GPC5: variants seen among roughly 807,000 people sequenced by gnomAD.
The protein encoded by GPC5 is glypican-5.
GPC5 carries 47 observed loss-of-function variants against 53.9 expected under a neutral mutation model. The ratio of observed to expected loss-of-function variants is 0.87; its 90% CI spans 0.69 to 1.11. GPC5 has a LOEUF of 1.11. GPC5 is among the 50% of genes most tolerant of loss of function. The pLI, the probability that GPC5 is intolerant of heterozygous loss-of-function variation, is 0.00. For missense variants in GPC5, 748 were observed against 713.1 expected, an observed-to-expected ratio of 1.05 and a Z score of -0.56; for synonymous variants, 286 against 263.3, an observed-to-expected ratio of 1.09 and a Z score of -0.84.
intron 7 of GPC5, among the ~76,000 whole-genome samples, chr13:92,694,754 TG>T (rs1887509941): frequency 6.6e-6 from 1 of 152,156 alleles, no homozygotes; most frequent in African/African-American, 2.4e-5. Context: ...GTTAAAACTT[TG>T]GGGGATTCTT....
At chr13:92,166,948 TCTCTCTCTCACACACACACACACACACA>T (rs2042034156) in intron 7 of GPC5, among the ~76,000 whole-genome samples, 1 of 57,242 alleles carries the variant, frequency 1.7e-5, no homozygotes, top group African/African-American at 5.3e-5. Context: ...TCTCTCTCTC[TCTCTCTCTCACACACACACACACACACA>T]CACACACACA....
chr13:92,577,344 G>A (rs1746573241), intron 7 of GPC5, among the ~76,000 whole-genome samples: 2 of 151,890 alleles, frequency 1.3e-5, no homozygotes. Flanking sequence ...CCATTTTGGA[G>A]CAATAATATG....
intron 5 of GPC5, among the ~76,000 whole-genome samples, chr13:91,900,149 A>G (rs1408319412): frequency 1.3e-5 from 2 of 152,158 alleles, no homozygotes; most frequent in Non-Finnish European, 2.9e-5. Flanking sequence ...TGTCAATTAC[A>G]TTTGAAAAAA....
intron 7 of GPC5, among the ~76,000 whole-genome samples, chr13:92,608,298 C>G (rs577682974): frequency 6.6e-6 from 1 of 152,156 alleles, no homozygotes; most frequent in Non-Finnish European, 1.5e-5. Flanking sequence ...GTGCACAGTC[C>G]TTTCCAAGAG....
At position 92,409,061 on chromosome 13, in the gene GPC5, C is replaced by G. The variant is rs149620486; in HGVS notation, c.1561+264072C>G. The stretch of plus-strand genomic sequence containing the variant: ...ATATTAATAAATAATTTTAATAAAC[C>G]CTTTCCTTATACTACACACATTCAC... On this transcript the variant is annotated intron_variant, in intron 7 of 7. Coordinates refer to ENST00000377067, the MANE Select transcript of GPC5 (RefSeq NM_004466.6). Among the ~76,000 whole-genome samples, 41 of 151,422 alleles carry G rather than the reference C, an allele frequency of 2.7e-4. No individual in the cohort carries two copies. In the East Asian group the frequency reaches 7.4e-3, roughly 27 times the overall value.
At chr13:91,690,751 C>T (rs2035740274) in intron 2 of GPC5, among the ~76,000 whole-genome samples, 2 of 152,278 alleles carry the variant, frequency 1.3e-5, no homozygotes, top group South Asian at 4.1e-4. Flanking sequence ...TCTGATGGAA[C>T]ATCAGTATTG....
intron 5 of GPC5, among the ~76,000 whole-genome samples, chr13:91,781,873 G>T (rs1175427418): frequency 6.6e-6 from 1 of 152,070 alleles, no homozygotes; most frequent in African/African-American, 2.4e-5. Context: ...TTCAAATGAA[G>T]GTTCCATCAA....
chr13:92,752,927 T>C (rs1378429715), intron 7 of GPC5, among the ~76,000 whole-genome samples: 2 of 152,130 alleles, frequency 1.3e-5, no homozygotes, highest in African/African-American at 4.8e-5. Context: ...GCGCATACCA[T>C]TGCCCAGGCT....
intron 7 of GPC5, among the ~76,000 whole-genome samples, chr13:92,708,306 A>G (rs1345887783): frequency 1.3e-5 from 2 of 152,184 alleles, no homozygotes; most frequent in South Asian, 2.1e-4. Context: ...TTTTTGGTAC[A>G]GCAGTGTACT....
intron 1 of GPC5, among the ~76,000 whole-genome samples, chr13:91,433,673 G>C (rs1459796275): frequency 6.6e-6 from 1 of 151,774 alleles, no homozygotes; most frequent in African/African-American, 2.4e-5. Flanking sequence ...GTGTGCATGT[G>C]TCTTTATAGC....
At chr13:91,880,992 T>C (rs898924008) in intron 5 of GPC5, among the ~76,000 whole-genome samples, 1 of 152,104 alleles carries the variant, frequency 6.6e-6, no homozygotes, top group African/African-American at 2.4e-5. Flanking sequence ...GGTTTTGACA[T>C]GTTGGCAAGG....
At chr13:92,060,583 C>G (rs905472459) in intron 6 of GPC5, among the ~76,000 whole-genome samples, 1 of 151,984 alleles carries the variant, frequency 6.6e-6, no homozygotes, top group Non-Finnish European at 1.5e-5. Flanking sequence ...TTCTTTCTTA[C>G]TTGATAATGA....
At chr13:92,159,829 C>A (rs1403177544) in intron 7 of GPC5, among the ~76,000 whole-genome samples, 1 of 151,796 alleles carries the variant, frequency 6.6e-6, no homozygotes, top group Non-Finnish European at 1.5e-5. Flanking sequence ...GTCTCGATCT[C>A]CTGACCTCGT....
chr13:92,110,361 G>T lies in GPC5; in HGVS notation c.1402-34469G>T, dbSNP rs1479478006. 2.0e-5 allele frequency among the ~76,000 whole-genome samples: 3 copies of T among 152,164 alleles called. No homozygotes were observed. In the East Asian group the frequency reaches 5.8e-4, roughly 29 times the overall value. On this transcript the variant is annotated intron_variant, in intron 6 of 7. Coordinates refer to ENST00000377067, the MANE Select transcript of GPC5 (RefSeq NM_004466.6). ...CCTTATTAACTACCTGACAAGAAAG[G>T]TCTACTCAAAAATCAGACTGATCAT... is the stretch of plus-strand genomic sequence containing the variant.
intron 2 of GPC5, among the ~76,000 whole-genome samples, chr13:91,537,613 G>A (rs1482261038): frequency 6.6e-6 from 1 of 152,148 alleles, no homozygotes; most frequent in African/African-American, 2.4e-5. Context: ...TTCCTACTAT[G>A]TTACACAAAT....
At position 92,510,888 on chromosome 13, in the gene GPC5, T is replaced by A. The variant is rs192776519; in HGVS notation, c.1562-355394T>A. On this transcript the variant is annotated intron_variant, in intron 7 of 7. Transcript: ENST00000377067. ...CATTCTTTCTAGGGTTTGCAACTTG[T>A]CTGAGGCTCAGTTCACTCCTCTAGG... Among the ~76,000 whole-genome samples, 53 of 152,326 alleles carry A rather than the reference T, an allele frequency of 3.5e-4. No individual in the cohort carries two copies. In the East Asian group the frequency reaches 0.01, roughly 29 times the overall value.
intron 6 of GPC5, among the ~76,000 whole-genome samples, chr13:92,008,854 ATT>A (rs1180784754): frequency 6.6e-6 from 1 of 151,332 alleles, no homozygotes; most frequent in East Asian, 1.9e-4. Flanking sequence ...TGTTCATTTC[ATT>A]TTTTTCCTTT....
Position 92,617,770 on chromosome 13 carries a change from T to C in GPC5, c.1562-248512T>C, listed in dbSNP as rs1332494914. Among the ~76,000 whole-genome samples the C allele has an allele frequency of 6.6e-5, 10 of 152,204 alleles. No individual in the cohort carries two copies. The East Asian group carries it at 1.9e-3, about 29-fold the overall frequency. ...AACAATGAATATAATTACTACACTT[T>C]TCAAGAGTTTACAAAATTTATACTC... On this transcript the variant is annotated intron_variant, in intron 7 of 7. Coordinates refer to ENST00000377067, the MANE Select transcript of GPC5 (RefSeq NM_004466.6).
chr13:91,483,548 C>G (rs1478587451), intron 2 of GPC5, among the ~76,000 whole-genome samples: 1 of 152,158 alleles, frequency 6.6e-6, no homozygotes, highest in Non-Finnish European at 1.5e-5. Context: ...CTGAGCTTGG[C>G]CATCCAGAGC....
Sources: allele counts gnomAD v4.1 joint callset (sites outside exome capture counted in the v4.1 genomes callset), GRCh38; gene constraint gnomAD v4.1.1; transcripts MANE v1.5; gene names NCBI Gene and HGNC (gene_info 2026-07-23, HGNC 2026-07-21).